Variants in MAML3 observed in about 807,000 individuals in gnomAD.
MAML3 encodes the protein mastermind like transcriptional coactivator 3.
A neutral mutation model predicts 101.9 loss-of-function variants in MAML3; 27 were observed. The ratio of observed to expected loss-of-function variants is 0.27; its 90% CI spans 0.20 to 0.37. The LOEUF (loss-of-function observed/expected upper bound fraction) is 0.37. MAML3 is among the 10% of genes least tolerant of loss of function. MAML3 has a pLI of 1.00. For synonymous variants in MAML3, 501 were observed against 555.9 expected, an observed-to-expected ratio of 0.90 and a Z score of 1.39; for missense variants, 1,316 against 1,444.9, an observed-to-expected ratio of 0.91 and a Z score of 1.45.
chr4:139,801,715 C>A (rs984530775), intron 2 of MAML3, among the ~76,000 whole-genome samples: 1 of 150,156 alleles, frequency 6.7e-6, no homozygotes, highest in Non-Finnish European at 1.5e-5. Context: ...TGGGCAGGCA[C>A]ATGTGTCTGT....
At chr4:140,100,688 G>A (rs1560893534) in intron 1 of MAML3, among the ~76,000 whole-genome samples, 2 of 151,930 alleles carry the variant, frequency 1.3e-5, no homozygotes. Flanking sequence ...AACCACAGAG[G>A]TATACACCAT....
rs115722786 is a variant in MAML3, at chr4:139,876,516, C to T, written c.2079+12841G>A. Among the ~76,000 whole-genome samples, 233 of 152,334 alleles carry T rather than the reference C, an allele frequency of 1.5e-3. 1 individual carries two copies. The Middle Eastern group carries it at 0.02, about 13-fold the overall frequency. On this transcript the variant is annotated intron_variant, in intron 2 of 4. Coordinates refer to ENST00000509479, the MANE Select transcript of MAML3 (RefSeq NM_018717.5). ...GGCTGCAATACACTCAGATGTGAATCGCCTCCTGTTCCAGGGCCTTCAATC... is the reference window on the plus strand; with the variant it reads ...GGCTGCAATACACTCAGATGTGAATTGCCTCCTGTTCCAGGGCCTTCAATC...
chr4:139,828,448 TAA>T (rs1031013958), intron 2 of MAML3, among the ~76,000 whole-genome samples: 49 of 152,354 alleles, frequency 3.2e-4, no homozygotes, highest in African/African-American at 1.2e-3. Flanking sequence ...CAGAGAGAGC[TAA>T]GTGTCCTAGT....
At chr4:139,947,295 G>A (rs1733748675) in intron 1 of MAML3, among the ~76,000 whole-genome samples, 1 of 152,136 alleles carries the variant, frequency 6.6e-6, no homozygotes, top group Non-Finnish European at 1.5e-5. Flanking sequence ...AAATAGCGAA[G>A]TGGTATTTGC....
chr4:139,888,092 G>A (rs1732378584), intron 2 of MAML3, among the ~76,000 whole-genome samples: 1 of 152,142 alleles, frequency 6.6e-6, no homozygotes, highest in African/African-American at 2.4e-5. Context: ...TAAGGCTGAG[G>A]ACAAGAATGA....
intron 1 of MAML3, among the ~76,000 whole-genome samples, chr4:140,122,694 C>A (rs371095253): frequency 2.3e-3 from 337 of 148,328 alleles, no homozygotes; most frequent in African/African-American, 6.8e-3. Context: ...TGGGAGGCTG[C>A]GGCAGGAGAA....
At chr4:140,092,131 T>TATATAA (rs1553974790) in intron 1 of MAML3, among the ~76,000 whole-genome samples, 13 of 146,938 alleles carry the variant, frequency 8.8e-5, no homozygotes, top group Admixed American at 5.5e-4. Context: ...TATATATATA[T>TATATAA]AATATCAGAG....
At chr4:139,880,848 T>C (rs1732204639) in intron 2 of MAML3, among the ~76,000 whole-genome samples, 1 of 152,210 alleles carries the variant, frequency 6.6e-6, no homozygotes, top group Admixed American at 6.5e-5. Context: ...CACATTAATC[T>C]TGGCTTCCTC....
At chr4:139,918,879 G>C (rs1733074317) in intron 1 of MAML3, among the ~76,000 whole-genome samples, 1 of 152,136 alleles carries the variant, frequency 6.6e-6, no homozygotes, top group African/African-American at 2.4e-5. Context: ...TTACCTAGCA[G>C]AGTACCGCGC....
intron 1 of MAML3, among the ~76,000 whole-genome samples, chr4:140,117,837 C>A (rs1459659152): frequency 6.6e-6 from 1 of 151,992 alleles, no homozygotes; most frequent in Non-Finnish European, 1.5e-5. Context: ...AGGAGCCCAA[C>A]AGTTTCTCTA....
At chr4:140,069,579 G>GGAGGAGGAGGAA (rs1246158306) in intron 1 of MAML3, among the ~76,000 whole-genome samples, 1 of 130,638 alleles carries the variant, frequency 7.7e-6, no homozygotes, top group Non-Finnish European at 1.6e-5. Context: ...GAGGGGAGGA[G>GGAGGAGGAGGAA]GAGGAGGAGG....
chr4:140,075,876 T>A (rs1235420241), intron 1 of MAML3, among the ~76,000 whole-genome samples: 1 of 152,196 alleles, frequency 6.6e-6, no homozygotes, highest in Non-Finnish European at 1.5e-5. Flanking sequence ...TTCTCCCACC[T>A]CAGCCTCAAG....
chr4:140,023,231 G>T (rs188310499), intron 1 of MAML3, among the ~76,000 whole-genome samples: 6 of 152,322 alleles, frequency 3.9e-5, no homozygotes, highest in Admixed American at 3.3e-4. Context: ...GTGATTTAGA[G>T]AAGTTGCCCA....
At position 140,153,784 on chromosome 4, in the gene MAML3, G is replaced by T; in HGVS notation, c.-457C>A. On this transcript the variant is annotated 5_prime_UTR_variant, in exon 1 of 5. It adds an upstream start codon to the 5' untranslated region. Coordinates refer to ENST00000509479, the MANE Select transcript of MAML3 (RefSeq NM_018717.5). ...GTACACACACAAGCATATGCCTCCA[G>T]TGCGGACACGCGCGACACACACTCA... is the stretch of plus-strand genomic sequence containing the variant. 6.5e-6 allele frequency: 1 copy of T among 154,944 alleles called. No individual in the cohort carries two copies. The highest frequency in any genetic ancestry group is 1.4e-5 in the Non-Finnish European group (1 of 70,950). 9.6% of individuals were successfully genotyped at this position (154,944 alleles called of 1,614,324 possible).
At chr4:139,738,483 C>T (rs1480956469) in intron 2 of MAML3, among the ~76,000 whole-genome samples, 1 of 152,122 alleles carries the variant, frequency 6.6e-6, no homozygotes, top group Non-Finnish European at 1.5e-5. Context: ...GCGGAGGTTG[C>T]AGTGAGCCGA....
At chr4:139,797,111 T>C (rs1730523853) in intron 2 of MAML3, among the ~76,000 whole-genome samples, 1 of 152,222 alleles carries the variant, frequency 6.6e-6, no homozygotes, top group African/African-American at 2.4e-5. Context: ...AGCCTTCAAT[T>C]TGTTCTTACA....
chr4:140,092,729 T>C (rs1209216160), intron 1 of MAML3, among the ~76,000 whole-genome samples: 1 of 151,816 alleles, frequency 6.6e-6, no homozygotes, highest in Non-Finnish European at 1.5e-5. Context: ...AGCCCACACC[T>C]CATTCCCTGC....
intron 1 of MAML3, among the ~76,000 whole-genome samples, chr4:140,117,711 A>T (rs929760871): frequency 6.6e-6 from 1 of 151,816 alleles, no homozygotes; most frequent in Admixed American, 6.6e-5. Context: ...ATTAATAGAG[A>T]ATAGAAAAAT....
intron 2 of MAML3, among the ~76,000 whole-genome samples, chr4:139,871,192 G>A (rs368184878): frequency 2.0e-5 from 3 of 151,780 alleles, no homozygotes; most frequent in East Asian, 1.9e-4. Flanking sequence ...GAAGTGGTTC[G>A]ACTCATATGT....
Sources: gnomAD v4.1 joint callset for allele counts (sites outside exome capture counted in the v4.1 genomes callset) on GRCh38, gnomAD v4.1.1 for gene constraint, MANE v1.5 for transcripts, NCBI Gene and HGNC (gene_info 2026-07-23, HGNC 2026-07-21) for gene names.